The following GNG4 variants were observed in gnomAD, a reference collection of about 807,000 sequenced individuals.
GNG4 encodes the protein guanine nucleotide-binding protein G(I)/G(S)/G(O) subunit gamma-4.
GNG4 carries 4 observed loss-of-function variants against 5.8 expected under a neutral mutation model. The ratio of observed to expected loss-of-function variants is 0.69; its 90% CI spans 0.34 to 1.57. The LOEUF (loss-of-function observed/expected upper bound fraction) is 1.57, where lower values mean the gene tolerates loss of function less well. GNG4 is among the 40% of genes most tolerant of loss of function. The pLI is 0.06. For synonymous variants in GNG4, 29 were observed against 32.9 expected (o/e 0.88, Z 0.41); for missense variants, 96 against 95.1 (o/e 1.01, Z -0.04).
chr1:235,554,944 A>ATC (rs1345290855), intron 3 of GNG4, among the ~76,000 whole-genome samples: 4 of 151,454 alleles, frequency 2.6e-5, no homozygotes, highest in Admixed American at 1.3e-4. Flanking sequence ...TTTTTTGGAC[A>ATC]TGCTCCAGTT....
intron 1 of GNG4, among the ~76,000 whole-genome samples, chr1:235,600,432 GTGTGTGTA>G (rs990151330): frequency 6.8e-5 from 7 of 102,512 alleles, no homozygotes; most frequent in African/African-American, 2.1e-4. Flanking sequence ...GTGTGTGTGT[GTGTGTGTA>G]TATGTGTGTG....
chr1:235,574,196 C>T (rs956580464), intron 3 of GNG4, among the ~76,000 whole-genome samples: 3 of 152,078 alleles, frequency 2.0e-5, no homozygotes, highest in African/African-American at 7.2e-5. Context: ...CATGGTGAAA[C>T]CCCGTCTCTA....
At position 235,644,566 on chromosome 1, in the gene GNG4, T is replaced by C. The variant is rs563912911; in HGVS notation, c.-123+5096A>G. On this transcript the variant is annotated intron_variant, in intron 1 of 3. Transcript: ENST00000391854. The surrounding 1 kb of genome is among the most constrained non-coding windows in gnomAD (Gnocchi z 5.9). Reference sequence around the variant, plus strand: ...GCTGCAGTCCCCTAGTACCCTGCCATGCAGCCCCACAGCTGCCGGGGGGAT... The same window carrying C: ...GCTGCAGTCCCCTAGTACCCTGCCACGCAGCCCCACAGCTGCCGGGGGGAT... Among the ~76,000 whole-genome samples the C allele has an allele frequency of 1.5e-4, 23 of 152,316 alleles. No homozygotes were observed. Among genetic ancestry groups the C allele is most frequent in the Admixed American group, 5.2e-4 (8 of 15,292 alleles).
At chr1:235,618,410 G>A (rs1460946168) in intron 1 of GNG4, among the ~76,000 whole-genome samples, 1 of 152,186 alleles carries the variant, frequency 6.6e-6, no homozygotes, top group Non-Finnish European at 1.5e-5. Flanking sequence ...CCTCAGGCAC[G>A]CTGGATCCCT....
intron 3 of GNG4, 57 bp downstream of exon 3, chr1:235,583,683 A>C: frequency 9.0e-7 from 1 of 1,106,096 alleles, no homozygotes; most frequent in Non-Finnish European, 1.4e-6. Context: ...TGGAAGCAGG[A>C]GGAATGTTTT....
At chr1:235,568,268 G>T (rs952519875) in intron 3 of GNG4, among the ~76,000 whole-genome samples, 1 of 151,946 alleles carries the variant, frequency 6.6e-6, no homozygotes, top group Non-Finnish European at 1.5e-5. Flanking sequence ...TGACTGAGCT[G>T]TTCCAAGTAC....
chr1:235,596,830 C>T (rs767590782), intron 1 of GNG4, among the ~76,000 whole-genome samples: 1 of 152,004 alleles, frequency 6.6e-6, no homozygotes, highest in Non-Finnish European at 1.5e-5. Context: ...TCAAACGAGC[C>T]TGCCACCTGA....
chr1:235,606,175 C>T (rs914572541), intron 1 of GNG4, among the ~76,000 whole-genome samples: 21 of 151,812 alleles, frequency 1.4e-4, no homozygotes, highest in Admixed American at 7.9e-4. Context: ...GTCAGGAGTT[C>T]GAGACCAGCC....
chr1:235,590,605 G>A (rs982511922), intron 2 of GNG4, among the ~76,000 whole-genome samples: 1 of 152,138 alleles, frequency 6.6e-6, no homozygotes. Flanking sequence ...GCTGCCCTCG[G>A]CTCACCCTGA....
intron 1 of GNG4, among the ~76,000 whole-genome samples, chr1:235,616,905 AT>A (rs553175038): frequency 0.013 from 1,498 of 115,762 alleles, 9 homozygotes; most frequent in Middle Eastern, 0.03. Flanking sequence ...CACCTGGCTA[AT>A]TTTTTTTTTT....
At chr1:235,593,064 T>C (rs1256181957) in intron 2 of GNG4, among the ~76,000 whole-genome samples, 1 of 151,904 alleles carries the variant, frequency 6.6e-6, no homozygotes, top group Non-Finnish European at 1.5e-5. Flanking sequence ...TTCTTCTGCC[T>C]CAGCCTCCTG....
chr1:235,623,554 G>A (rs188852766), intron 1 of GNG4, among the ~76,000 whole-genome samples: 1 of 152,190 alleles, frequency 6.6e-6, no homozygotes, highest in African/African-American at 2.4e-5. Flanking sequence ...CAGGAGAGAC[G>A]GGCTGTAGCG....
rs189271381 is a variant in GNG4 at position 235,570,943 on chromosome 1, C to T, written c.99+12797G>A. ...ATATATACACACACACACACACACA[C>T]ACATATATATATACATACCTTTTTT... On this transcript the variant is annotated intron_variant, in intron 3 of 3. Coordinates refer to ENST00000391854, the MANE Select transcript of GNG4 (RefSeq NM_001098722.2). 1.1e-3 allele frequency among the ~76,000 whole-genome samples: 156 copies of T among 136,532 alleles called. 2 individuals carry two copies. Among genetic ancestry groups the T allele is most frequent in the African/African-American group, 4.2e-3 (149 of 35,474 alleles). 89.6% of individuals were successfully genotyped at this position (136,532 alleles called of 152,430 possible). A position where few individuals can be genotyped will look rare whatever the true frequency, so the allele number is the denominator to read the frequency against.
intron 1 of GNG4, among the ~76,000 whole-genome samples, chr1:235,626,123 A>G (rs754260959): frequency 2.6e-5 from 4 of 152,174 alleles, no homozygotes; most frequent in Non-Finnish European, 5.9e-5. Flanking sequence ...GATTTTGGCC[A>G]TTCTAAATGG....
At chr1:235,559,954 A>G (rs546785270) in intron 3 of GNG4, among the ~76,000 whole-genome samples, 1 of 152,370 alleles carries the variant, frequency 6.6e-6, no homozygotes, top group South Asian at 2.1e-4. Flanking sequence ...CTTGTTTAGA[A>G]TATGATTGAC....
intron 1 of GNG4, among the ~76,000 whole-genome samples, chr1:235,634,726 T>C (rs1479458728): frequency 6.6e-6 from 1 of 152,140 alleles, no homozygotes; most frequent in African/African-American, 2.4e-5. Context: ...GTGGATCACC[T>C]GAGGTTGGGA....
chr1:235,600,866 T>C (rs1398266350), intron 1 of GNG4, among the ~76,000 whole-genome samples: 1 of 152,248 alleles, frequency 6.6e-6, no homozygotes, highest in Middle Eastern at 3.2e-3. Context: ...TGGCTGGCCA[T>C]GAGCTAACTG....
intron 3 of GNG4, among the ~76,000 whole-genome samples, chr1:235,574,397 G>C (rs1687425581): frequency 6.6e-6 from 1 of 152,094 alleles, no homozygotes; most frequent in South Asian, 2.1e-4. Flanking sequence ...AAAAAAGCAA[G>C]TACCATTTTA....
Position 235,644,517 on chromosome 1 carries a change from A to C in GNG4, c.-123+5145T>G, listed in dbSNP as rs1657446923. 6.6e-6 allele frequency among the ~76,000 whole-genome samples: 1 copy of C among 152,124 alleles called. No homozygotes were observed. Among genetic ancestry groups the C allele is most frequent in the Admixed American group, 6.5e-5 (1 of 15,272 alleles). On this transcript the variant is annotated intron_variant, in intron 1 of 3. Transcript: ENST00000391854. This position sits in a 1 kb window ranked among gnomAD's most constrained non-coding sequence, Gnocchi z 5.9. ...TCAAACACATGCACGGTGTAGACTGAAGTCATCAGGTCTCCTTAACCAGGC... is the reference window on the plus strand; with the variant it reads ...TCAAACACATGCACGGTGTAGACTGCAGTCATCAGGTCTCCTTAACCAGGC...
Sources: allele counts gnomAD v4.1 joint callset (sites outside exome capture counted in the v4.1 genomes callset), GRCh38; gene constraint gnomAD v4.1.1; non-coding constraint Gnocchi (gnomAD v3.1); transcripts MANE v1.5; gene names NCBI Gene and HGNC (gene_info 2026-07-23, HGNC 2026-07-21).